FAM47E: variants seen among roughly 807,000 people sequenced by gnomAD.
FAM47E encodes family with sequence similarity 47 member E, also known as protein FAM47E.
In FAM47E, 32 loss-of-function variants were observed where a neutral mutation model predicts 41.6. That is an observed-to-expected ratio of 0.77 (90% CI 0.58 to 1.03). FAM47E has a LOEUF of 1.03. Ranked by LOEUF, FAM47E falls within the 50% of genes least tolerant of loss-of-function variation. FAM47E has a pLI of 0.00. For missense variants in FAM47E, 424 were observed against 485.4 expected (o/e 0.87, Z 1.19); for synonymous variants, 184 against 188.7 (o/e 0.98, Z 0.20).
chr4:76,279,793 T>C (rs1735271000), intron 6 of FAM47E: 1 of 152,484 alleles, frequency 6.6e-6, no homozygotes, highest in Non-Finnish European at 1.5e-5. Context: ...GGTGAAATGG[T>C]TTTAAAGTAC....
chr4:76,245,417 G>A (rs775492632), intron 2 of FAM47E, among the ~76,000 whole-genome samples: 3 of 152,046 alleles, frequency 2.0e-5, no homozygotes, highest in Non-Finnish European at 2.9e-5. Flanking sequence ...GACAAAAGCC[G>A]GAATCATAGC....
upstream of FAM47E, chr4:76,251,602 T>C: frequency 6.0e-6 from 8 of 1,342,812 alleles, no homozygotes; most frequent in Non-Finnish European, 7.6e-6. Flanking sequence ...GGAGAAGGGG[T>C]TGGACCGCGC....
intron 2 of FAM47E, among the ~76,000 whole-genome samples, chr4:76,237,368 TG>T (rs1733609565): frequency 1.4e-5 from 2 of 148,046 alleles, no homozygotes; most frequent in African/African-American, 2.5e-5. Context: ...TTTTTTTGTT[TG>T]TTTGTTTGTT....
At position 76,281,960 on chromosome 4, in the gene FAM47E, G is replaced by C. The variant is rs908945378; in HGVS notation, c.1105-1421G>C. 4.4e-4 allele frequency: 67 copies of C among 152,176 alleles called. 1 individual carries two copies. Among genetic ancestry groups the C allele is most frequent in the African/African-American group, 2.9e-4 (12 of 41,540 alleles). 9.4% of individuals were successfully genotyped at this position (152,176 alleles called of 1,614,324 possible). ...TATTATTAAGTTTAGTGAGGGCGGG[G>C]GTAGGTTAGTGAGAGATTTAGGGTC... On this transcript the variant is annotated intron_variant, in intron 7 of 7. Transcript: ENST00000424749.
In FAM47E at chr4:76,237,583, G is replaced by A. The variant is rs184224614; in HGVS notation, c.81+19895G>A. 1.2e-4 allele frequency among the ~76,000 whole-genome samples: 19 copies of A among 152,156 alleles called. No homozygotes were observed. In the East Asian group the frequency reaches 2.9e-3, roughly 23 times the overall value. ...GGACCCTGTGTTAGTCCATTCTCACGTTGCTATAAAGAAATAACTGAGACT... is the reference window on the plus strand; with the variant it reads ...GGACCCTGTGTTAGTCCATTCTCACATTGCTATAAAGAAATAACTGAGACT... On this transcript the variant is annotated intron_variant, in intron 2 of 7. Transcript: ENST00000510197.
chr4:76,242,268 C>T (rs1035842994), intron 2 of FAM47E, among the ~76,000 whole-genome samples: 1 of 152,116 alleles, frequency 6.6e-6, no homozygotes, highest in Non-Finnish European at 1.5e-5. Flanking sequence ...GCTGTCCTTG[C>T]AATAGTGAGT....
At chr4:76,259,504 T>C (rs1734319321) in intron 2 of FAM47E, among the ~76,000 whole-genome samples, 1 of 152,246 alleles carries the variant, frequency 6.6e-6, no homozygotes, top group Non-Finnish European at 1.5e-5. Flanking sequence ...ATTCTAAAAC[T>C]TATCTACTTC....
At chr4:76,273,593 T>C (rs1371602501) in intron 5 of FAM47E, among the ~76,000 whole-genome samples, 1 of 152,216 alleles carries the variant, frequency 6.6e-6, no homozygotes, top group Non-Finnish European at 1.5e-5. Flanking sequence ...ATCATAAACC[T>C]TGGTGTATCT....
rs1734149990 is a variant in FAM47E, at chr4:76,255,507, G to A, written c.75-671G>A. Among the ~76,000 whole-genome samples, 3 of 152,134 alleles carry A rather than the reference G, an allele frequency of 2.0e-5. No homozygotes were observed. The South Asian group carries it at 6.2e-4, about 31-fold the overall frequency. The stretch of plus-strand genomic sequence containing the variant: ...GTAGCCCATGGACAGCCATTTTGCA[G>A]CCTTTGATCCCCTGAGTTTAGGGGG... On this transcript the variant is annotated intron_variant, in intron 1 of 7. Coordinates refer to ENST00000424749, the MANE Select transcript of FAM47E (RefSeq NM_001136570.3).
chr4:76,231,386 G>T (rs4859431), intron 2 of FAM47E, among the ~76,000 whole-genome samples: 1 of 151,934 alleles, frequency 6.6e-6, no homozygotes, highest in African/African-American at 2.4e-5. Flanking sequence ...GGAGACTGCC[G>T]GTTGGTTCAC....
chr4:76,239,099 A>G (rs941526672), intron 2 of FAM47E, among the ~76,000 whole-genome samples: 5 of 152,204 alleles, frequency 3.3e-5, no homozygotes, highest in Non-Finnish European at 7.3e-5. Flanking sequence ...ATAATATGCC[A>G]TTGTATGTGT....
intron 1 of FAM47E, among the ~76,000 whole-genome samples, chr4:76,254,393 AT>A (rs1303809847): frequency 1.3e-5 from 2 of 152,196 alleles, no homozygotes; most frequent in African/African-American, 4.8e-5. Flanking sequence ...CTAATAAGTA[AT>A]GCTGAATGGG....
At chr4:76,215,410 C>T (rs1031296675) in intron 1 of FAM47E, among the ~76,000 whole-genome samples, 2 of 152,142 alleles carry the variant, frequency 1.3e-5, no homozygotes, top group Non-Finnish European at 2.9e-5. Flanking sequence ...TGCTGCATCC[C>T]GATCTGTCAC....
intron 7 of FAM47E, chr4:76,282,677 C>T (rs1560755640): frequency 6.7e-6 from 1 of 148,792 alleles, no homozygotes; most frequent in Non-Finnish European, 1.5e-5. Flanking sequence ...GTCCTCTTTT[C>T]AGTCACATTG....
exon 1 of FAM47E, chr4:76,214,284 AGCATGTTCT>A (rs1488067930): frequency 1.3e-5 from 6 of 456,042 alleles, no homozygotes. Context: ...CATGCCAGCA[AGCATGTTCT>A]GCCTGGATGA....
chr4:76,260,550 T>A (rs1188109672), intron 2 of FAM47E, among the ~76,000 whole-genome samples: 4 of 148,352 alleles, frequency 2.7e-5, no homozygotes, highest in Non-Finnish European at 5.9e-5. Flanking sequence ...TCTCACCATA[T>A]ACAAAAATTA....
chr4:76,274,439 G>T (rs1335500692), intron 5 of FAM47E, among the ~76,000 whole-genome samples: 1 of 152,170 alleles, frequency 6.6e-6, no homozygotes, highest in Admixed American at 6.5e-5. Flanking sequence ...AAATTAGCTG[G>T]ATGTGGTGGC....
At chr4:76,235,153 T>G (rs2109988114) in intron 2 of FAM47E, among the ~76,000 whole-genome samples, 1 of 151,840 alleles carries the variant, frequency 6.6e-6, no homozygotes, top group African/African-American at 2.4e-5. Flanking sequence ...CCGTCCCTAC[T>G]AAAAAATACA....
At chr4:76,269,028 A>T in intron 4 of FAM47E, 1 of 446,770 alleles carries the variant, frequency 2.2e-6, no homozygotes. Context: ...TTTACATCTC[A>T]CATCATTGCA....
Sources: allele counts gnomAD v4.1 joint callset (sites outside exome capture counted in the v4.1 genomes callset), GRCh38; gene constraint gnomAD v4.1.1; transcripts MANE v1.5; gene names NCBI Gene and HGNC (gene_info 2026-07-23, HGNC 2026-07-21).